The following XIRP2 variants were observed in gnomAD, a reference collection of about 807,000 sequenced individuals.
XIRP2 encodes xin actin-binding repeat-containing protein 2.
Under a neutral mutation model 277.0 loss-of-function variants are expected in XIRP2, and 236 were observed. The ratio of observed to expected loss-of-function variants is 0.85; its 90% CI spans 0.77 to 0.95. The LOEUF (loss-of-function observed/expected upper bound fraction) is 0.95, where lower values mean the gene tolerates loss of function less well. Ranked by LOEUF, XIRP2 falls within the 40% of genes least tolerant of loss-of-function variation. The pLI is 0.00. For missense variants in XIRP2, 4,640 were observed against 4,157.5 expected (o/e 1.12, Z -3.19); for synonymous variants, 1,490 against 1,416.5 (o/e 1.05, Z -1.17).
chr2:167,239,920 A>G lies in XIRP2; in HGVS notation c.924A>G (p.Gln308=), dbSNP rs1230342977. Residue 308 remains glutamine, a synonymous_variant, in exon 6 of 11, where the codon CAA becomes CAG. Transcript: ENST00000409195. ...RSSQEMARNE[Q]EGSKVQKIDV... Reference sequence around the variant, plus strand: ...GCCAGGAAATGGCAAGAAATGAACAAGAAGGGTCCAAAGTACAGAAAATTG... The same window carrying G: ...GCCAGGAAATGGCAAGAAATGAACAGGAAGGGTCCAAAGTACAGAAAATTG... 1.2e-6 allele frequency: 2 copies of G among 1,608,104 alleles called. No individual in the cohort carries two copies. The highest frequency in any genetic ancestry group is 2.7e-5 in the African/African-American group (2 of 74,414).
intron 2 of XIRP2, among the ~76,000 whole-genome samples, chr2:166,912,874 G>A (rs1489342492): frequency 1.2e-4 from 9 of 77,190 alleles, no homozygotes; most frequent in South Asian, 6.2e-4. Flanking sequence ...AGGTCCACTC[G>A]AGACCGTTTC....
chr2:167,097,088 C>T (rs1690340294), intron 2 of XIRP2, among the ~76,000 whole-genome samples: 1 of 152,044 alleles, frequency 6.6e-6, no homozygotes, highest in Admixed American at 6.6e-5. Context: ...GAGTTCAAGT[C>T]CTGAATAGCC....
rs182858305 is a variant in XIRP2, at chr2:167,249,673, A to C, written c.8281A>C (p.Ser2761Arg). 6.2e-7 allele frequency: 1 copy of C among 1,613,554 alleles called. No individual in the cohort carries two copies. The highest frequency in any genetic ancestry group is 1.7e-5 in the Admixed American group (1 of 59,940). ...TKKTEASTEC[S>R]HKQSLAERHY... Reference sequence around the variant, plus strand: ...GAAAACTGAAGCAAGCACTGAATGTAGTCATAAGCAATCTCTGGCTGAAAG... The same window carrying C: ...GAAAACTGAAGCAAGCACTGAATGTCGTCATAAGCAATCTCTGGCTGAAAG... Residue 2761 changes from serine to arginine, a missense_variant, in exon 9 of 11, where the codon AGT (serine) becomes CGT (arginine). Coordinates refer to ENST00000409195, the MANE Select transcript of XIRP2 (RefSeq NM_152381.6).
chr2:167,189,640 A>G (rs1179161017), intron 3 of XIRP2, among the ~76,000 whole-genome samples: 2 of 152,202 alleles, frequency 1.3e-5, no homozygotes, highest in Non-Finnish European at 2.9e-5. Flanking sequence ...TGACTTTTTT[A>G]GAACACTGAT....
chr2:166,915,692 A>C (rs1174041885), intron 2 of XIRP2, among the ~76,000 whole-genome samples: 1 of 152,184 alleles, frequency 6.6e-6, no homozygotes, highest in East Asian at 1.9e-4. Context: ...TATTCTATTC[A>C]TGTCTTTTAG....
chr2:167,019,106 ATG>A (rs1687915021), intron 2 of XIRP2, among the ~76,000 whole-genome samples: 2 of 152,104 alleles, frequency 1.3e-5, no homozygotes, highest in African/African-American at 4.8e-5. Flanking sequence ...CAACACAGAG[ATG>A]AAAATAAAGT....
At chr2:166,893,786 A>G (rs1684172401) in intron 1 of XIRP2, among the ~76,000 whole-genome samples, 1 of 152,158 alleles carries the variant, frequency 6.6e-6, no homozygotes, top group African/African-American at 2.4e-5. Flanking sequence ...TAGATTTCTT[A>G]GATTTGAACA....
intron 2 of XIRP2, among the ~76,000 whole-genome samples, chr2:167,067,008 T>G (rs1574221166): frequency 6.6e-6 from 1 of 152,148 alleles, no homozygotes; most frequent in Non-Finnish European, 1.5e-5. Context: ...TAAGATATAC[T>G]TTGGGGTAGT....
At chr2:167,051,695 CT>C (rs1186732739) in intron 2 of XIRP2, among the ~76,000 whole-genome samples, 2 of 151,888 alleles carry the variant, frequency 1.3e-5, no homozygotes, top group East Asian at 3.9e-4. Context: ...CTATATTTAC[CT>C]TTTTGGTCTA....
At chr2:167,151,825 G>C (rs1343791302) in intron 3 of XIRP2, among the ~76,000 whole-genome samples, 1 of 152,058 alleles carries the variant, frequency 6.6e-6, no homozygotes, top group African/African-American at 2.4e-5. Context: ...CATGGTTGTT[G>C]CTATGGGACT....
intron 2 of XIRP2, among the ~76,000 whole-genome samples, chr2:167,097,039 G>A (rs1486890079): frequency 6.6e-6 from 1 of 152,138 alleles, no homozygotes; most frequent in Non-Finnish European, 1.5e-5. Context: ...TGGGTGGAGA[G>A]TTCTGTATAT....
intron 2 of XIRP2, among the ~76,000 whole-genome samples, chr2:166,978,728 A>T (rs1359684077): frequency 6.6e-6 from 1 of 152,146 alleles, no homozygotes; most frequent in Non-Finnish European, 1.5e-5. Context: ...CACGCCTGTA[A>T]TCCCAGCACT....
At chr2:166,912,303 C>A (rs1007882059) in intron 2 of XIRP2, among the ~76,000 whole-genome samples, 4 of 151,996 alleles carry the variant, frequency 2.6e-5, no homozygotes, top group East Asian at 3.9e-4. Flanking sequence ...GGCTTTGTTC[C>A]TTTCTTTTTA....
intron 2 of XIRP2, among the ~76,000 whole-genome samples, chr2:166,953,146 G>A (rs898877981): frequency 1.3e-5 from 2 of 151,864 alleles, no homozygotes; most frequent in Non-Finnish European, 2.9e-5. Context: ...TATGTTGCAT[G>A]CTCTCCAAAG....
chr2:167,149,231 G>A (rs1032094944), intron 3 of XIRP2, among the ~76,000 whole-genome samples: 4 of 152,104 alleles, frequency 2.6e-5, no homozygotes, highest in Admixed American at 2.6e-4. Flanking sequence ...CTTCAAACCT[G>A]TAACTTAATT....
rs755964273 is a variant in XIRP2 at position 167,243,217 on chromosome 2, A to G, written c.1825A>G (p.Ile609Val). ...CAGGGGCATTGCTGATCAAGAAATC[A>G]TTGCTGGTGGTGATGTGAAATATAC... ...ISRGIADQEI[I>V]AGGDVKYTTW... Residue 609 changes from isoleucine to valine, a missense_variant, in exon 9 of 11, where the codon ATT (isoleucine) becomes GTT (valine). Physicochemically the swap from Ile to Val is conservative, Grantham distance 29. Coordinates refer to ENST00000409195, the MANE Select transcript of XIRP2 (RefSeq NM_152381.6). 5 of 1,614,098 alleles carry G rather than the reference A, an allele frequency of 3.1e-6. No homozygotes were observed. Among genetic ancestry groups the G allele is most frequent in the Non-Finnish European group, 4.2e-6 (5 of 1,179,992 alleles).
chr2:167,185,622 A>T (rs6751777), intron 3 of XIRP2, among the ~76,000 whole-genome samples: 15,003 of 152,130 alleles, frequency 0.099, 797 homozygotes, highest in South Asian at 0.15. Context: ...CACCATAAGC[A>T]TCATTAGCAA....
At chr2:166,897,209 A>T (rs930031501) in intron 1 of XIRP2, among the ~76,000 whole-genome samples, 3 of 152,184 alleles carry the variant, frequency 2.0e-5, no homozygotes, top group Admixed American at 2.0e-4. Flanking sequence ...TGGGATATCT[A>T]TTAGGCTTCT....
intron 4 of XIRP2, among the ~76,000 whole-genome samples, chr2:167,214,148 G>GCA (rs1694156519): frequency 1.3e-5 from 1 of 78,912 alleles, no homozygotes. Context: ...CAAAGAGAAA[G>GCA]AGAAAGAAGG....
Sources: allele counts gnomAD v4.1 joint callset (sites outside exome capture counted in the v4.1 genomes callset), GRCh38; gene constraint gnomAD v4.1.1; transcripts MANE v1.5; gene names NCBI Gene and HGNC (gene_info 2026-07-23, HGNC 2026-07-21).